Variants in SPRY3 observed in about 807,000 individuals in gnomAD.
The protein encoded by SPRY3 is sprouty RTK signaling antagonist 3, also known as protein sprouty homolog 3.
SPRY3 carries 15 observed loss-of-function variants against 20.2 expected under a neutral mutation model. The ratio of observed to expected loss-of-function variants is 0.74; its 90% CI spans 0.50 to 1.14. The LOEUF is 1.14. Among genes scored for constraint, SPRY3 ranks in the 50% most tolerant of loss-of-function variants. The pLI is 0.00. For synonymous variants in SPRY3, 143 were observed against 136.5 expected, an observed-to-expected ratio of 1.05 and a Z score of -0.33; for missense variants, 364 against 363.9, an observed-to-expected ratio of 1.00 and a Z score of 0.00.
chrX:155,686,905 C>T (rs977590747), intron 2 of SPRY3, among the ~76,000 whole-genome samples: 2 of 112,137 alleles, frequency 1.8e-5, no homozygotes, highest in Admixed American at 9.4e-5. Flanking sequence ...AAAGAAGAAA[C>T]GGGATATTCT....
At chrX:155,781,784 A>G (rs2091464568), downstream of SPRY3, 1 of 167,048 alleles carries the variant, frequency 6.0e-6, no homozygotes, top group Admixed American at 6.5e-5. Flanking sequence ...ACAACATAAT[A>G]AAAGTTGTTT....
chrX:155,642,438 G>A (rs1158736386), intron 1 of SPRY3, among the ~76,000 whole-genome samples: 3 of 110,367 alleles, frequency 2.7e-5, no homozygotes, highest in African/African-American at 9.9e-5. Flanking sequence ...ACCATTTTTT[G>A]TTTCTTTTTT....
chrX:155,739,983 G>A (rs1332046491), intron 2 of SPRY3, among the ~76,000 whole-genome samples: 1 of 152,140 alleles, frequency 6.6e-6, no homozygotes, highest in Non-Finnish European at 1.5e-5. Context: ...TAGATTGACA[G>A]AAGTGGGCTT....
chrX:155,723,122 T>C (rs2091072541), intron 2 of SPRY3, among the ~76,000 whole-genome samples: 5 of 152,190 alleles, frequency 3.3e-5, no homozygotes, highest in Admixed American at 3.3e-4. Flanking sequence ...TCATCCTTTT[T>C]TATGGCTGCA....
chrX:155,685,470 C>T (rs1365795465), intron 2 of SPRY3, among the ~76,000 whole-genome samples: 1 of 107,143 alleles, frequency 9.3e-6, no homozygotes, highest in Admixed American at 1.0e-4. Context: ...CATAGGTAAA[C>T]TTGTGTCATA....
At chrX:155,778,303 G>A (rs1343770639), downstream of SPRY3, 1 of 167,012 alleles carries the variant, frequency 6.0e-6, no homozygotes, top group Non-Finnish European at 1.5e-5. Context: ...TAAGTATCTT[G>A]CTATGTTAAG....
Position 155,729,096 on chromosome X carries a change from G to T in SPRY3, c.-281-38866G>T, listed in dbSNP as rs186144155. Reference sequence around the variant, plus strand: ...AGCAAATATTCAAGCTAAAGAGAGAGACCCAAATACAATAATAGCTGGAGA... The same window carrying T: ...AGCAAATATTCAAGCTAAAGAGAGATACCCAAATACAATAATAGCTGGAGA... On this transcript the variant is annotated intron_variant, in intron 2 of 3. Coordinates refer to ENST00000675360, the Ensembl canonical transcript of SPRY3. Among the ~76,000 whole-genome samples the T allele has an allele frequency of 7.2e-5, 11 of 152,112 alleles. No individual in the cohort carries two copies. The East Asian group carries it at 2.1e-3, about 29-fold the overall frequency.
At chrX:155,737,715 G>A (rs2091178163) in intron 2 of SPRY3, among the ~76,000 whole-genome samples, 1 of 152,114 alleles carries the variant, frequency 6.6e-6, no homozygotes. Flanking sequence ...AGAACAGGGT[G>A]GCAAAAATAA....
At chrX:155,754,406 T>A (rs1240331487) in intron 2 of SPRY3, among the ~76,000 whole-genome samples, 1 of 152,064 alleles carries the variant, frequency 6.6e-6, no homozygotes, top group East Asian at 1.9e-4. Context: ...ATCATAAACG[T>A]AAGGTTTTAT....
intron 2 of SPRY3, among the ~76,000 whole-genome samples, chrX:155,662,682 C>CAA (rs34216827): frequency 0.072 from 4,175 of 58,111 alleles, 295 homozygotes; most frequent in African/African-American, 0.18. Flanking sequence ...TGTAGTTTGG[C>CAA]AAAAAAAAAA....
At chrX:155,685,858 C>T (rs1257209423) in intron 2 of SPRY3, among the ~76,000 whole-genome samples, 1 of 111,284 alleles carries the variant, frequency 9.0e-6, no homozygotes, top group Non-Finnish European at 1.9e-5. Flanking sequence ...ACCTCCACCT[C>T]CTGGGTTCAA....
chrX:155,700,224 C>T (rs1173243030), intron 2 of SPRY3, among the ~76,000 whole-genome samples: 1 of 109,845 alleles, frequency 9.1e-6, no homozygotes, highest in Non-Finnish European at 1.9e-5. Flanking sequence ...TGGAGACATA[C>T]AAACTAAAAC....
exon 4 of SPRY3, chrX:155,774,873 G>A: frequency 1.0e-6 from 1 of 1,001,810 alleles, no homozygotes; most frequent in Non-Finnish European, 1.5e-6. Flanking sequence ...GCAGTGTCAG[G>A]GGAATGACCA....
chrX:155,713,505 T>C (rs2091001091), intron 2 of SPRY3, among the ~76,000 whole-genome samples: 1 of 151,956 alleles, frequency 6.6e-6, no homozygotes. Flanking sequence ...GTTTATTGTT[T>C]CAACACTTAT....
chrX:155,715,816 C>T (rs1004731414), intron 2 of SPRY3, among the ~76,000 whole-genome samples: 1 of 152,160 alleles, frequency 6.6e-6, no homozygotes, highest in African/African-American at 2.4e-5. Flanking sequence ...CTGAGCCCAG[C>T]ATGTCTTTAT....
chrX:155,633,574 T>G (rs782298294), intron 1 of SPRY3, among the ~76,000 whole-genome samples: 1 of 110,270 alleles, frequency 9.1e-6, no homozygotes, highest in East Asian at 2.8e-4. Flanking sequence ...AGCCAGATCT[T>G]TTGGGGGATA....
chrX:155,778,409 T>G (rs949894078), downstream of SPRY3: 1 of 167,072 alleles, frequency 6.0e-6, no homozygotes, highest in Non-Finnish European at 1.5e-5. Context: ...AAAACATGCT[T>G]GCAGCCAGTT....
At chrX:155,667,514 A>G (rs2068028314) in intron 2 of SPRY3, among the ~76,000 whole-genome samples, 1 of 111,157 alleles carries the variant, frequency 9.0e-6, no homozygotes, top group Admixed American at 9.6e-5. Flanking sequence ...AGAGGCAGAA[A>G]GTGTAGGGTT....
At chrX:155,767,713 G>T (rs766983762) in intron 2 of SPRY3, 1,362 of 94,286 alleles carry the variant, frequency 0.014, 13 homozygotes, top group Non-Finnish European at 0.023. Flanking sequence ...AGAAGAGGAG[G>T]AGGAGAAAGA....
Sources: gnomAD v4.1 joint callset for allele counts (sites outside exome capture counted in the v4.1 genomes callset) on GRCh38, gnomAD v4.1.1 for gene constraint, MANE v1.5 for transcripts, NCBI Gene and HGNC (gene_info 2026-07-23, HGNC 2026-07-21) for gene names.